PKIB: variants seen among roughly 807,000 people sequenced by gnomAD.
PKIB encodes the protein cAMP-dependent protein kinase inhibitor beta.
In PKIB, 2 loss-of-function variants were observed where a neutral mutation model predicts 4.5. The ratio of observed to expected loss-of-function variants is 0.44; its 90% CI spans 0.18 to 1.39. The LOEUF (loss-of-function observed/expected upper bound fraction) is 1.39. Among genes scored for constraint, PKIB ranks in the 40% most tolerant of loss-of-function variants. PKIB has a pLI of 0.27. For missense variants in PKIB, 94 were observed against 92.6 expected (o/e 1.02, Z -0.06); for synonymous variants, 38 against 36.0 (o/e 1.06, Z -0.20).
intron 2 of PKIB, among the ~76,000 whole-genome samples, chr6:122,509,895 C>G (rs949205931): frequency 2.6e-5 from 4 of 150,984 alleles, no homozygotes; most frequent in Non-Finnish European, 5.9e-5. Context: ...TCCTACTGAT[C>G]TGGGCTTGTT....
intron 2 of PKIB, among the ~76,000 whole-genome samples, chr6:122,650,175 A>G (rs1357016526): frequency 2.6e-5 from 4 of 152,214 alleles, no homozygotes; most frequent in East Asian, 3.9e-4. Flanking sequence ...TTTAGAAAGG[A>G]TATGTCTAAC....
chr6:122,700,099 C>T (rs182859153), intron 3 of PKIB, among the ~76,000 whole-genome samples: 41 of 152,196 alleles, frequency 2.7e-4, no homozygotes, highest in Non-Finnish European at 1.3e-4. Flanking sequence ...TTTATCTTGG[C>T]TATATAAATG....
intron 4 of PKIB, among the ~76,000 whole-genome samples, chr6:122,721,870 A>T (rs1326802246): frequency 6.6e-6 from 1 of 152,034 alleles, no homozygotes; most frequent in Admixed American, 6.6e-5. Context: ...GAACCAAGCC[A>T]GATAATCTAG....
At position 122,726,194 on chromosome 6, in the gene PKIB, T is replaced by G. The variant is rs1467696301; in HGVS notation, c.*999T>G. 1.3e-5 allele frequency: 2 copies of G among 152,134 alleles called. No homozygotes were observed. Among genetic ancestry groups the G allele is most frequent in the Admixed American group, 1.3e-4 (2 of 15,274 alleles). The allele number at this position is 152,134 out of a possible 1,614,324, so 9.4% of individuals were successfully genotyped here. On this transcript the variant is annotated 3_prime_UTR_variant, in exon 5 of 5. Transcript: ENST00000368452. ...AAACCAAAGTGTTAGTAAATTTTGATTTATTAGATATTTTAGAAAAATAAT... is the reference window on the plus strand; with the variant it reads ...AAACCAAAGTGTTAGTAAATTTTGAGTTATTAGATATTTTAGAAAAATAAT...
chr6:122,496,668 C>G (rs1249508995), intron 2 of PKIB, among the ~76,000 whole-genome samples: 1 of 152,002 alleles, frequency 6.6e-6, no homozygotes, highest in Non-Finnish European at 1.5e-5. Context: ...CTAATCCAGT[C>G]AGACAAAAAT....
chr6:122,544,960 A>C (rs956487961), intron 2 of PKIB, among the ~76,000 whole-genome samples: 3 of 152,128 alleles, frequency 2.0e-5, no homozygotes, highest in African/African-American at 4.8e-5. Context: ...CACTGGTCAG[A>C]ATGGCTATTA....
chr6:122,471,994 T>C, exon 1 of PKIB: 2 of 837,278 alleles, frequency 2.4e-6, no homozygotes, highest in Non-Finnish European at 1.7e-6. Flanking sequence ...GGCTGGAAAC[T>C]TAACGGCTAA....
At chr6:122,493,338 GA>G (rs1037801618) in intron 2 of PKIB, 1 of 152,226 alleles carries the variant, frequency 6.6e-6, no homozygotes, top group Non-Finnish European at 1.5e-5. Flanking sequence ...CTGTGAACCA[GA>G]AAGTGAGTCC....
intron 2 of PKIB, among the ~76,000 whole-genome samples, chr6:122,563,395 T>C (rs1773089312): frequency 6.6e-6 from 1 of 151,716 alleles, no homozygotes; most frequent in Admixed American, 6.6e-5. Flanking sequence ...TCCATGAGAG[T>C]TCTTAGCTTT....
chr6:122,685,453 A>T (rs999869861), intron 3 of PKIB, among the ~76,000 whole-genome samples: 4 of 152,112 alleles, frequency 2.6e-5, no homozygotes, highest in Non-Finnish European at 5.9e-5. Flanking sequence ...AAAAAGAAAT[A>T]CTCAAGGAAA....
intron 1 of PKIB, among the ~76,000 whole-genome samples, chr6:122,619,622 C>A (rs1243216821): frequency 2.6e-5 from 4 of 152,098 alleles, no homozygotes; most frequent in Non-Finnish European, 4.4e-5. Context: ...CACTCACAAC[C>A]TGAGCCCTAG....
intron 1 of PKIB, among the ~76,000 whole-genome samples, chr6:122,630,854 A>G (rs539351371): frequency 8.5e-5 from 13 of 152,308 alleles, no homozygotes; most frequent in Admixed American, 8.5e-4. Flanking sequence ...TAGGATAATC[A>G]GTATCATCCA....
At chr6:122,667,105 T>G (rs1008059285) in intron 2 of PKIB, among the ~76,000 whole-genome samples, 3 of 152,220 alleles carry the variant, frequency 2.0e-5, no homozygotes, top group Non-Finnish European at 4.4e-5. Flanking sequence ...CCTTCTTCTG[T>G]GAGCACAAAT....
chr6:122,689,213 G>A (rs550220381), intron 3 of PKIB, among the ~76,000 whole-genome samples: 2 of 152,012 alleles, frequency 1.3e-5, no homozygotes, highest in African/African-American at 4.8e-5. Context: ...TCTAAAAACC[G>A]AATTTTCGTT....
chr6:122,555,550 C>G (rs1772811340), intron 2 of PKIB, among the ~76,000 whole-genome samples: 1 of 151,986 alleles, frequency 6.6e-6, no homozygotes, highest in African/African-American at 2.4e-5. Context: ...GTGCTAAAAT[C>G]AAGGAAAAAA....
intron 2 of PKIB, among the ~76,000 whole-genome samples, chr6:122,541,147 C>G (rs1777584221): frequency 6.6e-6 from 1 of 151,796 alleles, no homozygotes; most frequent in African/African-American, 2.4e-5. Flanking sequence ...ATTTGCCAGT[C>G]TGTGTCTTTT....
chr6:122,595,477 A>ACTGTCCAGTG (rs1774150267), intron 3 of PKIB, among the ~76,000 whole-genome samples: 1 of 152,180 alleles, frequency 6.6e-6, no homozygotes, highest in African/African-American at 2.4e-5. Context: ...TGGATAAGGC[A>ACTGTCCAGTG]TTCTAGGAGT....
At chr6:122,487,676 G>A (rs113896392) in intron 2 of PKIB, among the ~76,000 whole-genome samples, 1,907 of 152,256 alleles carry the variant, frequency 0.013, 45 homozygotes, top group African/African-American at 0.044. Context: ...AGTCTTGACT[G>A]GAAGCAGACT....
At chr6:122,706,399 C>G (rs1332692284) in intron 3 of PKIB, among the ~76,000 whole-genome samples, 1 of 152,122 alleles carries the variant, frequency 6.6e-6, no homozygotes, top group Non-Finnish European at 1.5e-5. Flanking sequence ...TCATGTGTCC[C>G]CACTGTTTCT....
Sources: allele counts gnomAD v4.1 joint callset (sites outside exome capture counted in the v4.1 genomes callset), GRCh38; gene constraint gnomAD v4.1.1; transcripts MANE v1.5; gene names NCBI Gene and HGNC (gene_info 2026-07-23, HGNC 2026-07-21).